DLGAP4: variants seen among roughly 807,000 people sequenced by gnomAD.
The protein encoded by DLGAP4 is disks large-associated protein 4.
Under a neutral mutation model 86.9 loss-of-function variants are expected in DLGAP4, and 18 were observed. That is an observed-to-expected ratio of 0.21 (90% CI 0.14 to 0.31). DLGAP4 has a LOEUF of 0.31. Ranked by LOEUF, DLGAP4 falls within the 10% of genes least tolerant of loss-of-function variation. DLGAP4 has a pLI of 1.00. For missense variants in DLGAP4, 1,085 were observed against 1,362.6 expected, an observed-to-expected ratio of 0.80 and a Z score of 3.21; for synonymous variants, 548 against 574.3, an observed-to-expected ratio of 0.95 and a Z score of 0.65.
chr20:36,425,481 A>G (rs1737678394), intron 2 of DLGAP4, among the ~76,000 whole-genome samples: 1 of 152,148 alleles, frequency 6.6e-6, no homozygotes, highest in Non-Finnish European at 1.5e-5. Context: ...GCTGGTGGGA[A>G]CGTCATATGG....
chr20:36,325,821 G>A (rs986692941), intron 1 of DLGAP4, among the ~76,000 whole-genome samples: 19 of 151,592 alleles, frequency 1.3e-4, no homozygotes, highest in African/African-American at 4.1e-4. Context: ...GGGTTCAAGC[G>A]ATTCTCTTGA....
At chr20:36,467,022 CT>C (rs2034417525) in intron 7 of DLGAP4, among the ~76,000 whole-genome samples, 14 of 15,888 alleles carry the variant, frequency 8.8e-4, no homozygotes, top group African/African-American at 1.2e-3. Context: ...TCTCTCCTCT[CT>C]CTCTCTCTCT....
At chr20:36,493,154 T>A (rs1266977705) in intron 7 of DLGAP4, 2 of 152,136 alleles carry the variant, frequency 1.3e-5, no homozygotes, top group African/African-American at 4.8e-5. Context: ...TCACACCCAT[T>A]TTACAAGGAG....
intron 1 of DLGAP4, among the ~76,000 whole-genome samples, chr20:36,352,378 A>C (rs2030185388): frequency 6.9e-6 from 1 of 145,836 alleles, no homozygotes; most frequent in Non-Finnish European, 1.5e-5. Context: ...GACTGAAGGG[A>C]TCATGAGTGC....
intron 7 of DLGAP4, among the ~76,000 whole-genome samples, chr20:36,487,465 A>T (rs1478030255): frequency 6.6e-6 from 1 of 152,202 alleles, no homozygotes; most frequent in Non-Finnish European, 1.5e-5. Flanking sequence ...AGCCCCAGGA[A>T]GCTGAGGATC....
At chr20:36,390,628 C>T (rs182527922) in intron 2 of DLGAP4, among the ~76,000 whole-genome samples, 40 of 152,260 alleles carry the variant, frequency 2.6e-4, no homozygotes, top group Non-Finnish European at 4.0e-4. Context: ...GGTCACAGCT[C>T]CCTTCTCCAG....
intron 2 of DLGAP4, among the ~76,000 whole-genome samples, chr20:36,403,599 A>G (rs1011554459): frequency 3.9e-5 from 6 of 152,242 alleles, no homozygotes; most frequent in South Asian, 2.1e-4. Context: ...TAATTTGCCC[A>G]TTTCTGGAAG....
At chr20:36,403,613 A>T (rs2032227443) in intron 2 of DLGAP4, among the ~76,000 whole-genome samples, 1 of 152,272 alleles carries the variant, frequency 6.6e-6, no homozygotes, top group African/African-American at 2.4e-5. Flanking sequence ...CTGGAAGTAT[A>T]CAAGCAAACT....
intron 7 of DLGAP4, chr20:36,462,017 A>ACACCTTC (rs2034104487): frequency 1.0e-6 from 1 of 984,566 alleles, no homozygotes; most frequent in African/African-American, 1.8e-5. Context: ...CCCCTTGAGA[A>ACACCTTC]CACCTTCCAC....
At chr20:36,520,183 T>C (rs1018895185) in intron 10 of DLGAP4, among the ~76,000 whole-genome samples, 1 of 152,336 alleles carries the variant, frequency 6.6e-6, no homozygotes, top group South Asian at 2.1e-4. Context: ...ACTGAACATC[T>C]ATCTTTGGAG....
intron 7 of DLGAP4, among the ~76,000 whole-genome samples, chr20:36,478,818 C>G (rs1401845783): frequency 6.6e-6 from 1 of 152,210 alleles, no homozygotes; most frequent in Non-Finnish European, 1.5e-5. Flanking sequence ...AGCCTTCAAC[C>G]TCTCTGAGCC....
chr20:36,354,439 C>G (rs1457416766), intron 1 of DLGAP4, among the ~76,000 whole-genome samples: 4 of 152,162 alleles, frequency 2.6e-5, no homozygotes, highest in African/African-American at 9.6e-5. Flanking sequence ...TTTTGCAGTG[C>G]ACAACAAACA....
intron 2 of DLGAP4, among the ~76,000 whole-genome samples, chr20:36,370,454 C>G (rs1222988292): frequency 6.7e-6 from 1 of 150,004 alleles, no homozygotes; most frequent in East Asian, 2.0e-4. Context: ...CCACTACACT[C>G]TAGCCTGGGT....
intron 2 of DLGAP4, among the ~76,000 whole-genome samples, chr20:36,413,503 C>A (rs186094745): frequency 3.3e-5 from 5 of 150,202 alleles, no homozygotes; most frequent in African/African-American, 9.8e-5. Flanking sequence ...CTGCAACCTC[C>A]GCCTCCTGGG....
At chr20:36,375,981 C>T (rs537298817) in intron 2 of DLGAP4, among the ~76,000 whole-genome samples, 13 of 152,160 alleles carry the variant, frequency 8.5e-5, no homozygotes, top group African/African-American at 3.1e-4. Context: ...CCACCCTAGG[C>T]GACAGAGCAA....
chr20:36,422,062 G>A (rs1188834309), intron 2 of DLGAP4, among the ~76,000 whole-genome samples: 1 of 151,966 alleles, frequency 6.6e-6, no homozygotes, highest in Non-Finnish European at 1.5e-5. Context: ...GCACGGGAAG[G>A]GTGCCCAAAG....
intron 1 of DLGAP4, among the ~76,000 whole-genome samples, chr20:36,355,105 C>T (rs1183462346): frequency 6.6e-6 from 1 of 152,094 alleles, no homozygotes; most frequent in Non-Finnish European, 1.5e-5. Context: ...AATTCAAAAG[C>T]TCCCTCTGTC....
chr20:36,307,495 C>T (rs557281151), intron 1 of DLGAP4, among the ~76,000 whole-genome samples: 1 of 152,302 alleles, frequency 6.6e-6, no homozygotes, highest in South Asian at 2.1e-4. Flanking sequence ...GAGGGGCTGT[C>T]AGAGACTGTT....
chr20:36,431,711 C>T lies in DLGAP4; in HGVS notation c.-7C>T, dbSNP rs749992062. On this transcript the variant is annotated 5_prime_UTR_variant, in exon 3 of 13. Transcript: ENST00000339266. This position sits in a 1 kb window ranked among gnomAD's most constrained non-coding sequence, Gnocchi z 5.1. The stretch of plus-strand genomic sequence containing the variant: ...AGGGTGAAGGCCCCTGCCCTCGGCC[C>T]GGGATCATGAAAGGCCTCGGTGACA... The T allele has an allele frequency of 9.5e-6, 15 of 1,582,534 alleles. No homozygotes were observed. Among genetic ancestry groups the T allele is most frequent in the Middle Eastern group, 1.7e-4 (1 of 5,942 alleles).
Sources: allele counts gnomAD v4.1 joint callset (sites outside exome capture counted in the v4.1 genomes callset), GRCh38; gene constraint gnomAD v4.1.1; non-coding constraint Gnocchi (gnomAD v3.1); transcripts MANE v1.5; gene names NCBI Gene and HGNC (gene_info 2026-07-23, HGNC 2026-07-21).